The following ABCB5 variants were observed in gnomAD, a reference collection of about 807,000 sequenced individuals.
ABCB5 encodes ATP-binding cassette sub-family B member 5.
In ABCB5, 155 loss-of-function variants were observed where a neutral mutation model predicts 144.2. The observed-to-expected ratio is 1.08, with a 90% CI of 0.94 to 1.23. The LOEUF (loss-of-function observed/expected upper bound fraction) is 1.23. ABCB5 is among the 50% of genes most tolerant of loss of function. The probability of loss-of-function intolerance (pLI) is 0.00; values close to 1 mark genes in which losing one functional copy is unlikely to be tolerated. For missense variants in ABCB5, 1,830 were observed against 1,520.8 expected (o/e 1.20, Z -3.38); for synonymous variants, 610 against 528.6 (o/e 1.15, Z -2.11).
In ABCB5 at chr7:20,685,554, T is replaced by C. The variant is rs185840513; in HGVS notation, c.1870-142T>C. The C allele has an allele frequency of 3.4e-4, 229 of 668,200 alleles. 1 individual carries two copies. In the Middle Eastern group the frequency reaches 4.7e-3, roughly 14 times the overall value. 41.4% of individuals were successfully genotyped at this position (668,200 alleles called of 1,614,324 possible). ...AGACTTATCAGCTCTCTATCAAGCC[T>C]GAAAGCTGTTCAGCAAGAACTACAT... is the stretch of plus-strand genomic sequence containing the variant. On this transcript the variant is annotated intron_variant, in intron 15 of 27. Transcript: ENST00000404938.
chr7:20,630,196 C>G (rs17143196), intron 4 of ABCB5, among the ~76,000 whole-genome samples: 2,238 of 152,076 alleles, frequency 0.015, 51 homozygotes, highest in African/African-American at 0.051. Context: ...TGCTTTTCCC[C>G]AAATTCCACA....
At chr7:20,707,801 C>CTTTTTTTTTTTTTTT (rs67014566) in intron 20 of ABCB5, among the ~76,000 whole-genome samples, 2 of 93,062 alleles carry the variant, frequency 2.1e-5, no homozygotes, top group African/African-American at 8.5e-5. Flanking sequence ...AACCTCATTT[C>CTTTTTTTTTTTTTTT]TTTTTTTTTT....
intron 26 of ABCB5, among the ~76,000 whole-genome samples, chr7:20,750,832 T>C (rs58656338): frequency 0.017 from 2,591 of 152,202 alleles, 57 homozygotes; most frequent in African/African-American, 0.048. Context: ...ACTTATCTCA[T>C]AGAAATATCC....
At chr7:20,698,971 G>A (rs927043889) in intron 17 of ABCB5, among the ~76,000 whole-genome samples, 3 of 152,152 alleles carry the variant, frequency 2.0e-5, no homozygotes, top group African/African-American at 7.2e-5. Flanking sequence ...CAATTGGTGT[G>A]TTTAAGGATC....
intron 13 of ABCB5, among the ~76,000 whole-genome samples, chr7:20,656,043 A>C (rs1309866742): frequency 1.3e-5 from 2 of 152,214 alleles, no homozygotes; most frequent in African/African-American, 4.8e-5. Context: ...TGGGGGAAAG[A>C]AATATCTTTT....
chr7:20,738,446 T>G (rs910138791), intron 23 of ABCB5, among the ~76,000 whole-genome samples: 2 of 152,190 alleles, frequency 1.3e-5, no homozygotes, highest in Non-Finnish European at 2.9e-5. Context: ...TTTAGTCAGA[T>G]TTTGCTTTGG....
intron 5 of ABCB5, among the ~76,000 whole-genome samples, chr7:20,632,782 A>G (rs535762936): frequency 1.3e-5 from 2 of 148,758 alleles, no homozygotes; most frequent in South Asian, 4.4e-4. Context: ...AACACCGCAT[A>G]TTCTCACTCA....
In ABCB5 at chr7:20,673,383, A is replaced by T. The variant is rs1322108136; in HGVS notation, c.1708-8122A>T. 2.6e-5 allele frequency among the ~76,000 whole-genome samples: 4 copies of T among 152,144 alleles called. No homozygotes were observed. In the East Asian group the frequency reaches 7.7e-4, roughly 29 times the overall value. On this transcript the variant is annotated intron_variant, in intron 14 of 27. Transcript: ENST00000404938. ...TATTTAATTCTTCAACTATTACTGT[A>T]ACTTTTAGATTTATTCTTGTAATTG...
chr7:20,711,847 T>TC lies in ABCB5; in HGVS notation c.2421+7040_2421+7041insC, dbSNP rs1562573810. 1.5e-4 allele frequency among the ~76,000 whole-genome samples: 11 copies of TC among 74,850 alleles called. 1 individual carries two copies. Among genetic ancestry groups the TC allele is most frequent in the Non-Finnish European group, 2.5e-4 (10 of 40,190 alleles). 49.1% of individuals were successfully genotyped at this position (74,850 alleles called of 152,430 possible). A position where few individuals can be genotyped will look rare whatever the true frequency, so the allele number is the denominator to read the frequency against. On this transcript the variant is annotated intron_variant, in intron 20 of 27. Transcript: ENST00000404938. ...TTCTTTCTTTCTTTCTTTCTTTCTT[T>TC]TCTTTCTTTCTTTCCTTCCTCCCTC...
At chr7:20,634,191 A>AAAC (rs1784101083) in intron 5 of ABCB5, among the ~76,000 whole-genome samples, 1 of 150,552 alleles carries the variant, frequency 6.6e-6, no homozygotes, top group African/African-American at 2.5e-5. Flanking sequence ...TGCAAAAAAA[A>AAAC]AACAAACCAT....
chr7:20,656,338 G>C (rs1187638224), intron 13 of ABCB5, among the ~76,000 whole-genome samples: 2 of 151,968 alleles, frequency 1.3e-5, no homozygotes, highest in Non-Finnish European at 2.9e-5. Flanking sequence ...GCAAGACAGA[G>C]AGCACAAGAA....
At chr7:20,658,776 G>C (rs1461606555) in intron 14 of ABCB5, 100 bp downstream of exon 14, 1 of 1,374,036 alleles carries the variant, frequency 7.3e-7, no homozygotes, top group African/African-American at 1.5e-5. Flanking sequence ...CAAGTTGAGA[G>C]CCCTCTTAAG....
chr7:20,735,361 C>A (rs1782350430), intron 23 of ABCB5, among the ~76,000 whole-genome samples: 1 of 152,108 alleles, frequency 6.6e-6, no homozygotes, highest in African/African-American at 2.4e-5. Flanking sequence ...TGGGTCGATA[C>A]CTTAACATAA....
chr7:20,721,833 G>T (rs1781878149), intron 20 of ABCB5, among the ~76,000 whole-genome samples: 2 of 152,094 alleles, frequency 1.3e-5, no homozygotes, highest in African/African-American at 4.8e-5. Context: ...TTCTATTGTA[G>T]TAAATACCTA....
At chr7:20,651,806 T>C (rs1362291538) in intron 13 of ABCB5, 183 bp downstream of exon 13, 2 of 596,782 alleles carry the variant, frequency 3.4e-6, no homozygotes, top group South Asian at 2.2e-5. Flanking sequence ...CAACACAAAT[T>C]TGTAAACTTT....
intron 16 of ABCB5, among the ~76,000 whole-genome samples, chr7:20,690,030 C>A (rs1164039691): frequency 1.3e-5 from 2 of 152,088 alleles, no homozygotes; most frequent in Non-Finnish European, 2.9e-5. Context: ...TTCTATTCTT[C>A]CTCTAACAAA....
intron 16 of ABCB5, among the ~76,000 whole-genome samples, chr7:20,687,926 TCACGC>T (rs1786055792): frequency 6.6e-6 from 1 of 152,012 alleles, no homozygotes; most frequent in African/African-American, 2.4e-5. Context: ...GGTGAGTGGT[TCACGC>T]CTATAATCCC....
intron 23 of ABCB5, among the ~76,000 whole-genome samples, chr7:20,738,402 A>C (rs1782457023): frequency 6.6e-6 from 1 of 152,226 alleles, no homozygotes; most frequent in Non-Finnish European, 1.5e-5. Flanking sequence ...AATCAATAAC[A>C]AACCTAAAAG....
At chr7:20,754,287 T>C (rs1783017684) in intron 27 of ABCB5, among the ~76,000 whole-genome samples, 1 of 152,206 alleles carries the variant, frequency 6.6e-6, no homozygotes, top group Non-Finnish European at 1.5e-5. Flanking sequence ...CCACCCATGA[T>C]TGCTGCTTGA....
Sources: allele counts gnomAD v4.1 joint callset (sites outside exome capture counted in the v4.1 genomes callset), GRCh38; gene constraint gnomAD v4.1.1; transcripts MANE v1.5; gene names NCBI Gene and HGNC (gene_info 2026-07-23, HGNC 2026-07-21).